CHRNB4: variants seen among roughly 807,000 people sequenced by gnomAD.
CHRNB4 encodes the protein neuronal acetylcholine receptor subunit beta-4.
In CHRNB4, 23 loss-of-function variants were observed where a neutral mutation model predicts 40.4. The observed-to-expected ratio is 0.57, with a 90% CI of 0.41 to 0.81. CHRNB4 has a LOEUF of 0.81. Ranked by LOEUF, CHRNB4 falls within the 30% of genes least tolerant of loss-of-function variation. CHRNB4 has a pLI of 0.00. For missense variants in CHRNB4, 568 were observed against 670.6 expected, an observed-to-expected ratio of 0.85 and a Z score of 1.69; for synonymous variants, 285 against 274.4, an observed-to-expected ratio of 1.04 and a Z score of -0.38.
upstream of CHRNB4, among the ~76,000 whole-genome samples, chr15:78,643,707 G>T (rs1368031596): frequency 6.6e-6 from 1 of 152,064 alleles, no homozygotes; most frequent in African/African-American, 2.4e-5. Context: ...AGGTATGATT[G>T]TCTATGCAGA....
intron 2 of CHRNB4, among the ~76,000 whole-genome samples, chr15:78,634,308 G>C (rs1567123146): frequency 6.6e-6 from 1 of 152,184 alleles, no homozygotes; most frequent in East Asian, 1.9e-4. Flanking sequence ...CCCTCACTAG[G>C]GCAGCAGCTG....
At chr15:78,637,058 A>G (rs1011571409) in intron 1 of CHRNB4, among the ~76,000 whole-genome samples, 6 of 152,150 alleles carry the variant, frequency 3.9e-5, no homozygotes, top group Non-Finnish European at 8.8e-5. Flanking sequence ...TCCCTCTGAG[A>G]CACCAAATGG....
rs546394379 is a variant in CHRNB4 at position 78,636,836 on chromosome 15, C to T, written c.56-1249G>A. ...AATTATCTGAGGGTCTATCTTGTGC[C>T]AGGGACTTTACTACATTTCGAGGGT... On this transcript the variant is annotated intron_variant, in intron 1 of 5. Coordinates refer to ENST00000261751, the MANE Select transcript of CHRNB4 (RefSeq NM_000750.5). Among the ~76,000 whole-genome samples the T allele has an allele frequency of 3.9e-5, 6 of 152,272 alleles. No individual in the cohort carries two copies. In the East Asian group the frequency reaches 9.6e-4, roughly 24 times the overall value.
intron 5 of CHRNB4, chr15:78,627,417 T>C (rs962731423): frequency 1.3e-5 from 2 of 152,194 alleles, no homozygotes; most frequent in African/African-American, 4.8e-5. Context: ...GAATATCTCA[T>C]GTCCTATATT....
At chr15:78,639,268 G>A (rs986777357) in intron 1 of CHRNB4, among the ~76,000 whole-genome samples, 19 of 152,252 alleles carry the variant, frequency 1.2e-4, no homozygotes, top group Middle Eastern at 3.4e-3. Flanking sequence ...CTGAGGAAGG[G>A]AACATGATAT....
Position 78,629,526 on chromosome 15 carries a change from C to G in CHRNB4, c.779G>C (p.Cys260Ser), listed in dbSNP as rs2053747681. The G allele has an allele frequency of 6.2e-7, 1 of 1,614,026 alleles. No homozygotes were observed. The highest frequency in any genetic ancestry group is 1.3e-5 in the African/African-American group (1 of 74,900). The change falls in exon 5 of 6, where the codon TGC becomes TCC. Residue 260 changes from cysteine to serine, a missense_variant. Coordinates refer to ENST00000261751, the MANE Select transcript of CHRNB4 (RefSeq NM_000750.5). This position sits in a 1 kb window ranked among gnomAD's most constrained non-coding sequence, Gnocchi z 6.8. The stretch of plus-strand genomic sequence containing the variant: ...GATGCACAGTGTCATCTTCTCGCCG[C>G]AGTCGGATGGCAGGTAGAAGACGAG... ...AILVFYLPSD[C>S]GEKMTLCISV...
At chr15:78,641,899 A>G (rs2054080859), upstream of CHRNB4, among the ~76,000 whole-genome samples, 1 of 152,214 alleles carries the variant, frequency 6.6e-6, no homozygotes, top group Admixed American at 6.5e-5. Context: ...TTTTGGAATC[A>G]GTACCATTCC....
chr15:78,627,489 T>G (rs1255285925), intron 5 of CHRNB4: 1 of 152,232 alleles, frequency 6.6e-6, no homozygotes, highest in Non-Finnish European at 1.5e-5. Context: ...GTTCCTGCTC[T>G]TTTCTCTGTG....
intron 1 of CHRNB4, among the ~76,000 whole-genome samples, chr15:78,659,906 G>A (rs983443311): frequency 6.6e-6 from 1 of 152,172 alleles, no homozygotes; most frequent in African/African-American, 2.4e-5. Context: ...AGGCTCACAG[G>A]AGTCCAAGCT....
At chr15:78,660,837 C>G (rs867177134), upstream of CHRNB4, 9 of 320,500 alleles carry the variant, frequency 2.8e-5, no homozygotes, top group Middle Eastern at 2.2e-3. Flanking sequence ...GGGTAATTAT[C>G]TCAGCGGTTG....
upstream of CHRNB4, among the ~76,000 whole-genome samples, chr15:78,642,119 CT>C (rs1375833396): frequency 1.3e-5 from 2 of 152,206 alleles, no homozygotes; most frequent in Admixed American, 1.3e-4. Flanking sequence ...GCTTTGCCAC[CT>C]TATCTCCAGG....
intron 1 of CHRNB4, among the ~76,000 whole-genome samples, chr15:78,637,412 G>A (rs1201556911): frequency 6.6e-6 from 1 of 152,084 alleles, no homozygotes; most frequent in Admixed American, 6.5e-5. Flanking sequence ...AGCCTGGGAG[G>A]AGGAAAAGAG....
intron 4 of CHRNB4, chr15:78,630,806 G>T: frequency 2.3e-6 from 1 of 443,976 alleles, no homozygotes. Context: ...CAGAAAGGGT[G>T]CTGGGTTCAA....
rs2054067813 is a variant in CHRNB4 at position 78,641,203 on chromosome 15, G to A, written c.-70C>T. 13 of 1,373,082 alleles carry A rather than the reference G, an allele frequency of 9.5e-6. No individual in the cohort carries two copies. In the South Asian group the frequency reaches 1.5e-4, roughly 16 times the overall value. The allele number at this position is 1,373,082 out of a possible 1,614,324, so 85.1% of individuals were successfully genotyped here. On this transcript the variant is annotated 5_prime_UTR_variant, in exon 1 of 6. Coordinates refer to ENST00000261751, the MANE Select transcript of CHRNB4 (RefSeq NM_000750.5). ...GTCACAGGGCACCCGTGAGCCGCGC[G>A]GTCGAGTGAGCGCCGGTCCTGGCCC...
chr15:78,628,134 C>G (rs1175327519), intron 5 of CHRNB4: 1 of 152,130 alleles, frequency 6.6e-6, no homozygotes. Context: ...CCACCACACT[C>G]CAGCCTGGGC....
In CHRNB4 at chr15:78,625,249, G is replaced by A. The variant is rs762352427; in HGVS notation, c.1381C>T (p.Leu461=). The A allele has an allele frequency of 2.6e-6, 4 of 1,568,480 alleles. No homozygotes were observed. Among genetic ancestry groups the A allele is most frequent in the Non-Finnish European group, 3.5e-6 (4 of 1,158,478 alleles). ...ACAAACATGAACACCCACAGGAACA[G>A]CCGGTCCACCACCATAGCCACGTAC... ...WKYVAMVVDR[L]FLWVFMFVCV... is the part of the protein sequence containing the mutation. The change falls in exon 6 of 6, where the codon CTG becomes TTG. Residue 461 remains leucine, a synonymous_variant. Transcript: ENST00000261751.
chr15:78,638,206 G>A (rs181124543), intron 1 of CHRNB4, among the ~76,000 whole-genome samples: 36 of 152,316 alleles, frequency 2.4e-4, no homozygotes, highest in Admixed American at 7.2e-4. Flanking sequence ...AGGCTGTGGG[G>A]CTCATGCTCC....
chr15:78,641,342 G>A (rs1269783734), upstream of CHRNB4: 7 of 481,152 alleles, frequency 1.5e-5, no homozygotes, highest in Non-Finnish European at 2.5e-5. Context: ...CCCCTGGGTG[G>A]TCTGGACCCC....
At chr15:78,638,568 G>A (rs2054002832) in intron 1 of CHRNB4, among the ~76,000 whole-genome samples, 2 of 152,144 alleles carry the variant, frequency 1.3e-5, no homozygotes, top group Admixed American at 6.5e-5. Flanking sequence ...GTGCTGTCCC[G>A]GGCAGTGTGT....
Sources: gnomAD v4.1 joint callset for allele counts (sites outside exome capture counted in the v4.1 genomes callset) on GRCh38, gnomAD v4.1.1 for gene constraint, Gnocchi (gnomAD v3.1) non-coding constraint, MANE v1.5 for transcripts, NCBI Gene and HGNC (gene_info 2026-07-23, HGNC 2026-07-21) for gene names.